Variants in ACBD6 observed in about 807,000 individuals in gnomAD.
ACBD6 encodes acyl-CoA binding domain containing 6.
In ACBD6, 28 loss-of-function variants were observed where a neutral mutation model predicts 37.2. The ratio of observed to expected loss-of-function variants is 0.75; its 90% CI spans 0.56 to 1.03. The LOEUF (loss-of-function observed/expected upper bound fraction) is 1.03. Ranked by LOEUF, ACBD6 falls within the 50% of genes least tolerant of loss-of-function variation. The pLI, the probability that ACBD6 is intolerant of heterozygous loss-of-function variation, is 0.00. For synonymous variants in ACBD6, 113 were observed against 126.8 expected (o/e 0.89, Z 0.73); for missense variants, 340 against 337.4 (o/e 1.01, Z -0.06).
chr1:180,395,324 G>A (rs1654218134), intron 6 of ACBD6, among the ~76,000 whole-genome samples: 2 of 152,094 alleles, frequency 1.3e-5, no homozygotes, highest in Admixed American at 1.3e-4. Context: ...TGGAGCTACT[G>A]GCTGAGATCT....
chr1:180,433,214 C>T (rs72714896), intron 3 of ACBD6, among the ~76,000 whole-genome samples: 7,806 of 152,052 alleles, frequency 0.051, 253 homozygotes, highest in South Asian at 0.088. Flanking sequence ...GGATTTATTC[C>T]TGGAATGTAA....
chr1:180,467,217 C>A (rs1250604529), intron 3 of ACBD6, among the ~76,000 whole-genome samples: 1 of 151,904 alleles, frequency 6.6e-6, no homozygotes, highest in Non-Finnish European at 1.5e-5. Flanking sequence ...GTAGCTGGGA[C>A]TACAGACACA....
At chr1:180,461,246 A>T (rs1209889703) in intron 3 of ACBD6, among the ~76,000 whole-genome samples, 1 of 152,218 alleles carries the variant, frequency 6.6e-6, no homozygotes, top group Non-Finnish European at 1.5e-5. Flanking sequence ...GAAATATGGG[A>T]TTATATAAAA....
chr1:180,420,499 T>A (rs1303317203), intron 4 of ACBD6, among the ~76,000 whole-genome samples: 1 of 152,210 alleles, frequency 6.6e-6, no homozygotes, highest in East Asian at 1.9e-4. Context: ...GTAATGAGCC[T>A]TAAAGGTCCT....
intron 7 of ACBD6, among the ~76,000 whole-genome samples, chr1:180,303,503 T>C (rs1650220546): frequency 6.6e-6 from 1 of 150,802 alleles, no homozygotes; most frequent in African/African-American, 2.4e-5. Context: ...CTAGAAAATC[T>C]AGAAGAAATG....
chr1:180,371,934 C>T (rs1430658446), intron 6 of ACBD6, among the ~76,000 whole-genome samples: 1 of 152,202 alleles, frequency 6.6e-6, no homozygotes, highest in Non-Finnish European at 1.5e-5. Context: ...AAGCTCTTCA[C>T]ACCTTACAAG....
At chr1:180,403,519 G>A (rs533668429) in intron 5 of ACBD6, among the ~76,000 whole-genome samples, 162 of 152,208 alleles carry the variant, frequency 1.1e-3, no homozygotes, top group African/African-American at 3.1e-3. Flanking sequence ...TGGTAGAATC[G>A]AGATGGTAGA....
chr1:180,283,384 C>T (rs1456667930), downstream of ACBD6, among the ~76,000 whole-genome samples: 1 of 152,134 alleles, frequency 6.6e-6, no homozygotes, highest in Admixed American at 6.6e-5. Flanking sequence ...TTTCCCACCT[C>T]TGAGAAAAAC....
chr1:180,447,824 AAAG>A (rs1295042794), intron 3 of ACBD6, among the ~76,000 whole-genome samples: 5 of 152,162 alleles, frequency 3.3e-5, no homozygotes, highest in African/African-American at 4.8e-5. Flanking sequence ...ATAAACAGGA[AAAG>A]AAGAAACTGT....
intron 3 of ACBD6, among the ~76,000 whole-genome samples, chr1:180,430,847 T>C (rs1648785402): frequency 1.3e-5 from 2 of 152,120 alleles, no homozygotes; most frequent in African/African-American, 4.8e-5. Context: ...CTCTATGTTC[T>C]CAAAACACAC....
intron 1 of ACBD6, among the ~76,000 whole-genome samples, chr1:180,497,576 T>C (rs1032010054): frequency 6.6e-6 from 1 of 152,184 alleles, no homozygotes; most frequent in African/African-American, 2.4e-5. Context: ...AAATTAAAAC[T>C]GGGACATTTA....
chr1:180,277,709 T>C (rs936378764), intron 9 of ACBD6: 1 of 152,194 alleles, frequency 6.6e-6, no homozygotes, highest in Non-Finnish European at 1.5e-5. Context: ...CTCTCAGTCT[T>C]TGTGCTTTCT....
At position 180,339,554 on chromosome 1, in the gene ACBD6, G is replaced by C. The variant is rs529733582; in HGVS notation, c.664-24832C>G. Among the ~76,000 whole-genome samples, 598 of 152,100 alleles carry C rather than the reference G, an allele frequency of 3.9e-3. 5 individuals carry two copies. The highest frequency in any genetic ancestry group is 0.014 in the African/African-American group (567 of 41,472). ...TGTAGGGTGGAAGGAGGGAGGGAGGGATAGCGTTAGGAGATATAGCTAATG... is the reference window on the plus strand; with the variant it reads ...TGTAGGGTGGAAGGAGGGAGGGAGGCATAGCGTTAGGAGATATAGCTAATG... On this transcript the variant is annotated intron_variant, in intron 6 of 7. Transcript: ENST00000367595.
intron 6 of ACBD6, among the ~76,000 whole-genome samples, chr1:180,323,609 T>G (rs1651156465): frequency 6.6e-6 from 1 of 152,072 alleles, no homozygotes; most frequent in African/African-American, 2.4e-5. Flanking sequence ...TATTTATAAT[T>G]ATTATATCCT....
At chr1:180,359,138 G>A (rs1382262321) in intron 6 of ACBD6, among the ~76,000 whole-genome samples, 1 of 152,100 alleles carries the variant, frequency 6.6e-6, no homozygotes, top group Admixed American at 6.5e-5. Flanking sequence ...TTAACCCACG[G>A]CAATTTCAAA....
intron 9 of ACBD6, chr1:180,276,701 C>G (rs1649050142): frequency 6.6e-6 from 1 of 152,114 alleles, no homozygotes; most frequent in South Asian, 2.1e-4. Flanking sequence ...CTCTGCTGGG[C>G]AATGAACCAG....
intron 7 of ACBD6, among the ~76,000 whole-genome samples, chr1:180,309,588 T>C (rs1186328410): frequency 1.3e-5 from 2 of 152,170 alleles, no homozygotes; most frequent in East Asian, 3.8e-4. Context: ...AAGAGCTGAT[T>C]CAGCAGGGCA....
chr1:180,273,602 TAATC>T (rs761116645), intron 11 of ACBD6: 1 of 152,578 alleles, frequency 6.6e-6, no homozygotes, highest in Non-Finnish European at 1.5e-5. Context: ...TCATTTGCCT[TAATC>T]AAGTCAATTC....
chr1:180,484,054 TA>T (rs1651160248), intron 3 of ACBD6, among the ~76,000 whole-genome samples: 1 of 152,230 alleles, frequency 6.6e-6, no homozygotes, highest in Admixed American at 6.5e-5. Context: ...TTAAAATTAC[TA>T]CAAGACTTAC....
Sources: gnomAD v4.1 joint callset for allele counts (sites outside exome capture counted in the v4.1 genomes callset) on GRCh38, gnomAD v4.1.1 for gene constraint, MANE v1.5 for transcripts, NCBI Gene and HGNC (gene_info 2026-07-23, HGNC 2026-07-21) for gene names.